The following AP1M1 variants were observed in gnomAD, a reference collection of about 807,000 sequenced individuals.
AP1M1 encodes the protein AP-1 complex subunit mu-1.
AP1M1 carries 18 observed loss-of-function variants against 57.1 expected under a neutral mutation model. The ratio of observed to expected loss-of-function variants is 0.32; its 90% CI spans 0.22 to 0.47. The LOEUF (loss-of-function observed/expected upper bound fraction) is 0.47. Among genes scored for constraint, AP1M1 ranks in the 20% least tolerant of loss-of-function variants. The pLI, the probability that AP1M1 is intolerant of heterozygous loss-of-function variation, is 1.00. For missense variants in AP1M1, 362 were observed against 593.5 expected (o/e 0.61, Z 4.05); for synonymous variants, 241 against 237.9 (o/e 1.01, Z -0.12).
chr19:16,204,478 G>T (rs539591644), intron 2 of AP1M1, among the ~76,000 whole-genome samples: 1 of 152,180 alleles, frequency 6.6e-6, no homozygotes, highest in African/African-American at 2.4e-5. Context: ...TGGGAACAAC[G>T]ACCCCTCACT....
At chr19:16,218,608 A>C (rs2145128610) in intron 5 of AP1M1, among the ~76,000 whole-genome samples, 1 of 152,300 alleles carries the variant, frequency 6.6e-6, no homozygotes, top group African/African-American at 2.4e-5. Flanking sequence ...CTAGGAGTCT[A>C]GGAGTGCACC....
In AP1M1 at chr19:16,234,405, T is replaced by C; in HGVS notation, c.1250-8T>C. On this transcript the variant is annotated splice_polypyrimidine_tract_variant and splice_region_variant and intron_variant, in intron 11 of 11. Transcript: ENST00000291439. ...AGCCCAGCATGACGCCTCCCTCCTG[T>C]CTCCTAGATTACCAGCTCCGGACCC... 6.2e-7 allele frequency: 1 copy of C among 1,613,794 alleles called. No homozygotes were observed. The highest frequency in any genetic ancestry group is 8.5e-7 in the Non-Finnish European group (1 of 1,179,912).
At chr19:16,222,184 A>G (rs1048722746) in intron 5 of AP1M1, among the ~76,000 whole-genome samples, 5 of 71,572 alleles carry the variant, frequency 7.0e-5, no homozygotes, top group African/African-American at 7.1e-5. Flanking sequence ...CCATTCTGTT[A>G]TTATTATTAT....
rs374334160 is a variant in AP1M1, at chr19:16,203,590, G to A, written c.174G>A (p.Met58Ile). Residue 58 changes from methionine (M) to isoleucine (I), a missense_variant, in exon 2 of 12, where the codon ATG becomes ATA. Met to Ile is a conservative substitution (Grantham distance 10). Transcript: ENST00000291439. This position sits in a 1 kb window ranked among gnomAD's most constrained non-coding sequence, Gnocchi z 4.6. ...TGGCCCACGGGGGGGTCCGTTTCATGTGGATCAAACACAACAACCTGTATC... is the reference window on the plus strand; with the variant it reads ...TGGCCCACGGGGGGGTCCGTTTCATATGGATCAAACACAACAACCTGTATC... ...PILAHGGVRF[M>I]WIKHNNLYLV... The A allele has an allele frequency of 1.1e-5, 18 of 1,613,314 alleles. No individual in the cohort carries two copies. Among genetic ancestry groups the A allele is most frequent in the Non-Finnish European group, 1.2e-5 (14 of 1,179,562 alleles).
In AP1M1 at chr19:16,203,016, G is replaced by A. The variant is rs2091454987; in HGVS notation, c.43-443G>A. ...TATGAAAGAGAGAGACCAGGAAGAG[G>A]GCTTCTCCCTTCAGGCCACCTGTGG... On this transcript the variant is annotated intron_variant, in intron 1 of 11. Transcript: ENST00000291439. The surrounding 1 kb of genome is among the most constrained non-coding windows in gnomAD (Gnocchi z 4.6). The A allele has an allele frequency of 5.1e-6, 1 of 195,020 alleles. No homozygotes were observed. The highest frequency in any genetic ancestry group is 1.1e-5 in the Non-Finnish European group (1 of 92,630). 12.1% of individuals were successfully genotyped at this position (195,020 alleles called of 1,614,324 possible). A position where few individuals can be genotyped will look rare whatever the true frequency, so the allele number is the denominator to read the frequency against.
At position 16,208,085 on chromosome 19, in the gene AP1M1, G is replaced by A; in HGVS notation, c.334G>A (p.Glu112Lys). Residue 112 changes from glutamate to lysine, a missense_variant, in exon 4 of 12, where the codon GAG becomes AAG. By Grantham distance (56) the Glu-to-Lys change is moderately conservative. Coordinates refer to ENST00000291439, the MANE Select transcript of AP1M1 (RefSeq NM_032493.4). The part of the protein sequence containing the change: ...SIRDNFVIIY[E>K]LLDELMDFGY... ...CCGGGACAACTTTGTTATCATCTAC[G>A]AGCTGCTGGACGAGCTCATGGACTT... 1.9e-6 allele frequency: 3 copies of A among 1,613,902 alleles called. No homozygotes were observed. The highest frequency in any genetic ancestry group is 2.5e-6 in the Non-Finnish European group (3 of 1,179,946).
chr19:16,232,659 C>A (rs1298540884), intron 9 of AP1M1, among the ~76,000 whole-genome samples: 1 of 152,246 alleles, frequency 6.6e-6, no homozygotes, highest in Non-Finnish European at 1.5e-5. Context: ...ATGAACCACT[C>A]GGCCCTGCCC....
intron 1 of AP1M1, among the ~76,000 whole-genome samples, chr19:16,202,003 G>C (rs1197710812): frequency 2.0e-5 from 3 of 152,110 alleles, no homozygotes. Context: ...TTCTGTGTAG[G>C]AAGAGCCCTG....
Position 16,227,092 on chromosome 19 carries a change from G to A in AP1M1, c.674-456G>A, listed in dbSNP as rs1353334927. Among the ~76,000 whole-genome samples, 2 of 152,114 alleles carry A rather than the reference G, an allele frequency of 1.3e-5. No homozygotes were observed. Among genetic ancestry groups the A allele is most frequent in the Admixed American group, 1.3e-4 (2 of 15,282 alleles). ...GTTCCTAGCCCGGTGAGGGCTTCTC[G>A]GGCATCAGTCTATCAGGGCAGCTCC... On this transcript the variant is annotated intron_variant, in intron 6 of 11. Coordinates refer to ENST00000291439, the MANE Select transcript of AP1M1 (RefSeq NM_032493.4). The surrounding 1 kb of genome is among the most constrained non-coding windows in gnomAD (Gnocchi z 6.2).
intron 2 of AP1M1, among the ~76,000 whole-genome samples, chr19:16,204,621 C>T (rs981612387): frequency 1.3e-5 from 2 of 152,180 alleles, no homozygotes; most frequent in Admixed American, 6.5e-5. Context: ...GCCAGAATAT[C>T]CGCTGGGAGC....
At chr19:16,229,546 C>T (rs2091586974) in intron 9 of AP1M1, among the ~76,000 whole-genome samples, 1 of 152,214 alleles carries the variant, frequency 6.6e-6, no homozygotes, top group Non-Finnish European at 1.5e-5. Flanking sequence ...ACCAGGGGGG[C>T]TCAGGGCAGG....
intron 2 of AP1M1, among the ~76,000 whole-genome samples, chr19:16,204,543 T>C (rs2091461664): frequency 1.3e-5 from 2 of 152,190 alleles, no homozygotes; most frequent in African/African-American, 4.8e-5. Context: ...CCAGCAGGCA[T>C]GGGCTCTGTG....
chr19:16,234,765 T>G lies in AP1M1; in HGVS notation c.*330T>G. 8 of 416,660 alleles carry G rather than the reference T, an allele frequency of 1.9e-5. No individual in the cohort carries two copies. Among genetic ancestry groups the G allele is most frequent in the Non-Finnish European group, 2.6e-5 (6 of 229,484 alleles). 25.8% of individuals were successfully genotyped at this position (416,660 alleles called of 1,614,324 possible). Reference sequence around the variant, plus strand: ...AGGTACCAAAAAGCTTGGCCAACGCTTGCCAGCCAGCCAGCTGCAGGTGGC... The same window carrying G: ...AGGTACCAAAAAGCTTGGCCAACGCGTGCCAGCCAGCCAGCTGCAGGTGGC... On this transcript the variant is annotated 3_prime_UTR_variant, in exon 12 of 12. Transcript: ENST00000291439.
intron 5 of AP1M1, among the ~76,000 whole-genome samples, chr19:16,212,952 C>T (rs1353300784): frequency 6.6e-6 from 1 of 152,108 alleles, no homozygotes; most frequent in African/African-American, 2.4e-5. Flanking sequence ...GATTTGTGGT[C>T]TGAGAGAGTG....
chr19:16,236,919 G>A lies in AP1M1; in HGVS notation c.*2484G>A, dbSNP rs562804821. ...ATCCTCACGAACTTCAAAGATTATC[G>A]GCATGTAAACAAATACACTATGCAG... On this transcript the variant is annotated 3_prime_UTR_variant, in exon 12 of 12. Transcript: ENST00000291439. 3 of 152,270 alleles carry A rather than the reference G, an allele frequency of 2.0e-5. No homozygotes were observed. Among genetic ancestry groups the A allele is most frequent in the East Asian group, 1.9e-4 (1 of 5,180 alleles). The allele number at this position is 152,270 out of a possible 1,614,324, so 9.4% of individuals were successfully genotyped here. A position where few individuals can be genotyped will look rare whatever the true frequency, so the allele number is the denominator to read the frequency against.
intron 9 of AP1M1, among the ~76,000 whole-genome samples, chr19:16,230,900 T>G (rs536181376): frequency 6.6e-6 from 1 of 151,900 alleles, no homozygotes; most frequent in East Asian, 1.9e-4. Context: ...CAAAATTAAT[T>G]CATCAGCGTA....
intron 5 of AP1M1, among the ~76,000 whole-genome samples, chr19:16,218,158 G>A (rs1411508689): frequency 2.0e-5 from 3 of 152,324 alleles, no homozygotes; most frequent in African/African-American, 2.4e-5. Context: ...CGCTCTGGGC[G>A]CACTGCCCAT....
At chr19:16,219,508 C>T (rs2091533610) in intron 5 of AP1M1, among the ~76,000 whole-genome samples, 1 of 151,910 alleles carries the variant, frequency 6.6e-6, no homozygotes, top group East Asian at 1.9e-4. Flanking sequence ...AGCGATTCTC[C>T]TGCCTCAGTC....
rs890729796 is a variant in AP1M1 at position 16,241,158 on chromosome 19, C to T, written c.*6723C>T. The T allele has an allele frequency of 1.3e-5, 2 of 151,906 alleles. No individual in the cohort carries two copies. Among genetic ancestry groups the T allele is most frequent in the Non-Finnish European group, 2.9e-5 (2 of 68,010 alleles). The allele number at this position is 151,906 out of a possible 1,614,324, so 9.4% of individuals were successfully genotyped here. ...AGAAACCCCATCTCTACTAGAAATA[C>T]AAAATTAGCCAGGTGTGGTGGCGGG... On this transcript the variant is annotated 3_prime_UTR_variant, in exon 12 of 12. Coordinates refer to ENST00000291439, the MANE Select transcript of AP1M1 (RefSeq NM_032493.4).
Sources: allele counts gnomAD v4.1 joint callset (sites outside exome capture counted in the v4.1 genomes callset), GRCh38; gene constraint gnomAD v4.1.1; non-coding constraint Gnocchi (gnomAD v3.1); transcripts MANE v1.5; gene names NCBI Gene and HGNC (gene_info 2026-07-23, HGNC 2026-07-21).